The following PTPRD variants were observed in gnomAD, a reference collection of about 807,000 sequenced individuals.
The protein encoded by PTPRD is receptor-type tyrosine-protein phosphatase delta.
Under a neutral mutation model 214.5 loss-of-function variants are expected in PTPRD, and 34 were observed. The observed-to-expected ratio is 0.16, with a 90% confidence interval of 0.12 to 0.21. The LOEUF is 0.21. Among genes scored for constraint, PTPRD ranks in the 10% least tolerant of loss-of-function variants. PTPRD has a pLI of 1.00. For synonymous variants in PTPRD, 1,128 were observed against 845.7 expected (o/e 1.33, Z -5.79); for missense variants, 2,545 against 2,398.7 (o/e 1.06, Z -1.27).
chr9:9,751,396 A>G (rs1327821335), intron 6 of PTPRD, among the ~76,000 whole-genome samples: 1 of 152,098 alleles, frequency 6.6e-6, no homozygotes, highest in Non-Finnish European at 1.5e-5. Flanking sequence ...GCAACATTAG[A>G]ACCTGAGTTA....
At chr9:8,487,029 GACTT>G (rs2097033905) in intron 27 of PTPRD, among the ~76,000 whole-genome samples, 1 of 151,838 alleles carries the variant, frequency 6.6e-6, no homozygotes, top group Non-Finnish European at 1.5e-5. Flanking sequence ...ATATCGTATT[GACTT>G]ACTATGAATT....
At chr9:8,777,449 T>G (rs935174731) in intron 11 of PTPRD, among the ~76,000 whole-genome samples, 1 of 152,222 alleles carries the variant, frequency 6.6e-6, no homozygotes, top group African/African-American at 2.4e-5. Context: ...TTGAAAGTAG[T>G]TGCCATACCT....
intron 7 of PTPRD, among the ~76,000 whole-genome samples, chr9:9,640,807 C>A (rs530709041): frequency 1.2e-4 from 19 of 152,286 alleles, no homozygotes; most frequent in Non-Finnish European, 1.2e-4. Flanking sequence ...TATCCTTTGG[C>A]CCTAGGCCAT....
chr9:8,724,798 C>T (rs1000574351), intron 12 of PTPRD, among the ~76,000 whole-genome samples: 1 of 151,826 alleles, frequency 6.6e-6, no homozygotes, highest in Non-Finnish European at 1.5e-5. Flanking sequence ...ATTAGCCGGA[C>T]GTGACGGCAC....
At chr9:8,326,179 C>A (rs7849976) in intron 44 of PTPRD, among the ~76,000 whole-genome samples, 1 of 152,118 alleles carries the variant, frequency 6.6e-6, no homozygotes, top group African/African-American at 2.4e-5. Flanking sequence ...CAGTTTTTGC[C>A]CATTCTGTAG....
intron 9 of PTPRD, among the ~76,000 whole-genome samples, chr9:9,361,274 T>C (rs1345931644): frequency 1.3e-5 from 2 of 151,102 alleles, no homozygotes; most frequent in Non-Finnish European, 3.0e-5. Flanking sequence ...TCATTTGAGA[T>C]CATTACCACC....
At chr9:9,813,602 T>C (rs1001334791) in intron 5 of PTPRD, among the ~76,000 whole-genome samples, 2 of 152,016 alleles carry the variant, frequency 1.3e-5, no homozygotes, top group African/African-American at 4.8e-5. Context: ...CTAATAATGA[T>C]CATGCAAAGG....
At chr9:9,192,841 G>C (rs756577344) in intron 9 of PTPRD, among the ~76,000 whole-genome samples, 11 of 152,104 alleles carry the variant, frequency 7.2e-5, no homozygotes, top group Non-Finnish European at 1.3e-4. Context: ...AGAGACTGCA[G>C]AGAAGTCACG....
intron 3 of PTPRD, among the ~76,000 whole-genome samples, chr9:10,173,317 G>T (rs1338180044): frequency 6.6e-6 from 1 of 152,038 alleles, no homozygotes; most frequent in Non-Finnish European, 1.5e-5. Context: ...GAGTGTTACA[G>T]GACACTTATT....
intron 12 of PTPRD, among the ~76,000 whole-genome samples, chr9:8,656,524 T>C (rs552630900): frequency 1.1e-4 from 17 of 152,280 alleles, no homozygotes; most frequent in African/African-American, 3.6e-4. Context: ...TTTCCTTGCA[T>C]AGGTACCACA....
intron 12 of PTPRD, among the ~76,000 whole-genome samples, chr9:8,690,382 C>A (rs189249182): frequency 1.3e-5 from 2 of 151,582 alleles, no homozygotes; most frequent in Non-Finnish European, 2.9e-5. Flanking sequence ...AAAAAATTAG[C>A]CGGGCATGGT....
At chr9:9,357,133 G>C (rs1412576727) in intron 9 of PTPRD, among the ~76,000 whole-genome samples, 3 of 151,262 alleles carry the variant, frequency 2.0e-5, no homozygotes, top group Non-Finnish European at 4.4e-5. Context: ...TTGGAATTAA[G>C]AAGTCTCTTA....
chr9:9,628,538 T>C (rs1037871729), intron 7 of PTPRD, among the ~76,000 whole-genome samples: 1 of 152,166 alleles, frequency 6.6e-6, no homozygotes, highest in Non-Finnish European at 1.5e-5. Flanking sequence ...CTAGAACAGC[T>C]CAAATCCTTT....
chr9:8,921,890 G>A (rs1271676373), intron 11 of PTPRD, among the ~76,000 whole-genome samples: 1 of 152,152 alleles, frequency 6.6e-6, no homozygotes, highest in African/African-American at 2.4e-5. Context: ...ACAGTCCAAA[G>A]TGCATTGGAA....
chr9:10,311,074 T>C (rs2096254301), intron 3 of PTPRD, among the ~76,000 whole-genome samples: 1 of 152,034 alleles, frequency 6.6e-6, no homozygotes, highest in Non-Finnish European at 1.5e-5. Context: ...TGGGAATATT[T>C]ATATACCGAT....
intron 9 of PTPRD, among the ~76,000 whole-genome samples, chr9:9,379,954 A>G (rs1297803506): frequency 6.6e-6 from 1 of 152,076 alleles, no homozygotes; most frequent in Non-Finnish European, 1.5e-5. Flanking sequence ...TGCATAGAAA[A>G]TCATCTTATT....
intron 2 of PTPRD, among the ~76,000 whole-genome samples, chr9:10,541,245 C>T (rs982894278): frequency 6.6e-6 from 1 of 152,020 alleles, no homozygotes; most frequent in African/African-American, 2.4e-5. Context: ...ATCTAAGCTG[C>T]CTTGATTAAA....
intron 11 of PTPRD, among the ~76,000 whole-genome samples, chr9:8,815,301 G>A (rs1388005378): frequency 1.3e-5 from 2 of 152,010 alleles, no homozygotes; most frequent in Admixed American, 6.6e-5. Context: ...TAATCACAGG[G>A]AATGGTAGGC....
intron 7 of PTPRD, among the ~76,000 whole-genome samples, chr9:9,732,138 A>G (rs934698029): frequency 3.6e-4 from 55 of 152,232 alleles, no homozygotes; most frequent in African/African-American, 1.2e-3. Context: ...GAGCAGACAC[A>G]CTGATCATGC....
Sources: allele counts gnomAD v4.1 joint callset (sites outside exome capture counted in the v4.1 genomes callset), GRCh38; gene constraint gnomAD v4.1.1; transcripts MANE v1.5; gene names NCBI Gene and HGNC (gene_info 2026-07-23, HGNC 2026-07-21).